HS3ST4: variants seen among roughly 807,000 people sequenced by gnomAD.
The protein encoded by HS3ST4 is heparan sulfate-glucosamine 3-sulfotransferase 4.
HS3ST4 carries 17 observed loss-of-function variants against 29.2 expected under a neutral mutation model. The ratio of observed to expected loss-of-function variants is 0.58; its 90% CI spans 0.40 to 0.87. HS3ST4 has a LOEUF of 0.87. HS3ST4 is among the 40% of genes least tolerant of loss of function. The pLI is 0.00. For synonymous variants in HS3ST4, 314 were observed against 285.7 expected (o/e 1.10, Z -1.00); for missense variants, 627 against 634.5 (o/e 0.99, Z 0.13).
intron 1 of HS3ST4, among the ~76,000 whole-genome samples, chr16:25,998,173 C>T (rs535244252): frequency 1.2e-4 from 19 of 152,098 alleles, no homozygotes; most frequent in South Asian, 6.2e-4. Context: ...CCCAGTTACT[C>T]GGGAGGCTGA....
intron 1 of HS3ST4, among the ~76,000 whole-genome samples, chr16:25,800,598 CTTTTT>C (rs954174964): frequency 1.3e-5 from 2 of 151,940 alleles, no homozygotes; most frequent in Non-Finnish European, 2.9e-5. Context: ...AATTTAGTGT[CTTTTT>C]TTTAAGATTT....
intron 1 of HS3ST4, among the ~76,000 whole-genome samples, chr16:25,854,585 A>T (rs1024677604): frequency 2.0e-5 from 3 of 152,086 alleles, no homozygotes; most frequent in African/African-American, 7.2e-5. Flanking sequence ...AGTAGGTCTC[A>T]GCCTTATGTA....
chr16:26,106,364 A>T (rs1448036385), intron 1 of HS3ST4, among the ~76,000 whole-genome samples: 1 of 152,154 alleles, frequency 6.6e-6, no homozygotes, highest in Non-Finnish European at 1.5e-5. Flanking sequence ...CTATAAGAAC[A>T]TTTACTTTAT....
At chr16:25,725,553 C>A (rs889131614) in intron 1 of HS3ST4, among the ~76,000 whole-genome samples, 2 of 151,850 alleles carry the variant, frequency 1.3e-5, no homozygotes, top group East Asian at 3.9e-4. Context: ...AGTATAATCC[C>A]AAATTTGAGA....
At chr16:25,800,697 T>C (rs1257528024) in intron 1 of HS3ST4, among the ~76,000 whole-genome samples, 2 of 152,146 alleles carry the variant, frequency 1.3e-5, no homozygotes, top group Non-Finnish European at 2.9e-5. Context: ...ATTCATATGT[T>C]GAAACTTGAT....
At chr16:25,921,725 A>G (rs1473868797) in intron 1 of HS3ST4, among the ~76,000 whole-genome samples, 1 of 150,860 alleles carries the variant, frequency 6.6e-6, no homozygotes, top group Non-Finnish European at 1.5e-5. Flanking sequence ...CCTGGGTACC[A>G]TTGATTAATT....
At chr16:26,044,493 C>T (rs1355415309) in intron 1 of HS3ST4, among the ~76,000 whole-genome samples, 1 of 152,206 alleles carries the variant, frequency 6.6e-6, no homozygotes, top group Non-Finnish European at 1.5e-5. Context: ...CAGGGTTATG[C>T]ACCCCAACTC....
At chr16:26,121,013 A>C (rs2141810247) in intron 1 of HS3ST4, among the ~76,000 whole-genome samples, 1 of 152,332 alleles carries the variant, frequency 6.6e-6, no homozygotes, top group South Asian at 2.1e-4. Context: ...CTAACCACTA[A>C]GCCTTTTGAT....
At chr16:26,055,516 A>C (rs572931234) in intron 1 of HS3ST4, among the ~76,000 whole-genome samples, 1 of 152,252 alleles carries the variant, frequency 6.6e-6, no homozygotes, top group East Asian at 1.9e-4. Flanking sequence ...TGTCACATGC[A>C]CCTGCTGCTG....
At chr16:25,830,380 G>A (rs1175897074) in intron 1 of HS3ST4, among the ~76,000 whole-genome samples, 1 of 152,102 alleles carries the variant, frequency 6.6e-6, no homozygotes, top group African/African-American at 2.4e-5. Flanking sequence ...CTTGTTTGAA[G>A]AATCATACGA....
chr16:26,053,304 T>A (rs1898367648), intron 1 of HS3ST4, among the ~76,000 whole-genome samples: 2 of 152,096 alleles, frequency 1.3e-5, no homozygotes, highest in African/African-American at 4.8e-5. Flanking sequence ...TCTGAATGCT[T>A]ATCACAGCAC....
At chr16:26,120,312 T>C (rs1425892590) in intron 1 of HS3ST4, among the ~76,000 whole-genome samples, 1 of 152,134 alleles carries the variant, frequency 6.6e-6, no homozygotes, top group Non-Finnish European at 1.5e-5. Context: ...GAAAGTCAGG[T>C]CTAAATACAG....
rs148093838 is a variant in HS3ST4 at position 25,933,948 on chromosome 16, C to T, written c.735-201664C>T. On this transcript the variant is annotated intron_variant, in intron 1 of 1. Transcript: ENST00000331351. ...AGGCCCCATCTCCAGCATTGGAGGT[C>T]GCATGTGAACATGAGATTTGGAGAG... Among the ~76,000 whole-genome samples the T allele has an allele frequency of 1.8e-4, 27 of 152,286 alleles. No individual in the cohort carries two copies. In the East Asian group the frequency reaches 4.6e-3, roughly 26 times the overall value.
Position 25,928,782 on chromosome 16 carries a change from C to T in HS3ST4, c.735-206830C>T, listed in dbSNP as rs577709207. Among the ~76,000 whole-genome samples, 385 of 152,260 alleles carry T rather than the reference C, an allele frequency of 2.5e-3. 2 individuals carry two copies. Among genetic ancestry groups the T allele is most frequent in the Non-Finnish European group, 4.3e-3 (295 of 68,026 alleles). ...TGAGTTTGGGGTTCCTCATGACCCA[C>T]CTTGGGACATGAGCATTCTCGAATT... On this transcript the variant is annotated intron_variant, in intron 1 of 1. Coordinates refer to ENST00000331351, the MANE Select transcript of HS3ST4 (RefSeq NM_006040.3).
intron 1 of HS3ST4, among the ~76,000 whole-genome samples, chr16:25,926,551 A>G (rs1968404944): frequency 6.6e-6 from 1 of 152,240 alleles, no homozygotes; most frequent in African/African-American, 2.4e-5. Context: ...TAGCATAGCT[A>G]ACTTTTAGTG....
At chr16:25,704,840 T>G in intron 1 of HS3ST4, among the ~76,000 whole-genome samples, 1 of 144,178 alleles carries the variant, frequency 6.9e-6, no homozygotes, top group African/African-American at 2.6e-5. Context: ...GATCATGCCA[T>G]CACACTCCAG....
intron 1 of HS3ST4, among the ~76,000 whole-genome samples, chr16:25,969,170 A>G (rs1968872865): frequency 6.6e-6 from 1 of 152,220 alleles, no homozygotes; most frequent in African/African-American, 2.4e-5. Flanking sequence ...ACTGCTATCC[A>G]CTATGTATAA....
chr16:25,952,334 T>C (rs747683520), intron 1 of HS3ST4, among the ~76,000 whole-genome samples: 1 of 152,202 alleles, frequency 6.6e-6, no homozygotes, highest in Non-Finnish European at 1.5e-5. Flanking sequence ...TCAGTTGGCT[T>C]CCTCCAGGAA....
chr16:25,712,316 GT>G (rs1966420989), intron 1 of HS3ST4, among the ~76,000 whole-genome samples: 1 of 152,152 alleles, frequency 6.6e-6, no homozygotes, highest in Admixed American at 6.5e-5. Context: ...GAGTCAAGGG[GT>G]TTGAGACCAG....
Sources: allele counts gnomAD v4.1 joint callset (sites outside exome capture counted in the v4.1 genomes callset), GRCh38; gene constraint gnomAD v4.1.1; transcripts MANE v1.5; gene names NCBI Gene and HGNC (gene_info 2026-07-23, HGNC 2026-07-21).